Variants in ZHX3 observed in about 807,000 individuals in gnomAD.
ZHX3 encodes the protein zinc fingers and homeoboxes 3, also known as zinc fingers and homeoboxes protein 3.
ZHX3 carries 20 observed loss-of-function variants against 64.5 expected under a neutral mutation model. The ratio of observed to expected loss-of-function variants is 0.31; its 90% CI spans 0.22 to 0.45. ZHX3 has a LOEUF of 0.45. ZHX3 is among the 20% of genes least tolerant of loss of function. The pLI is 1.00. For synonymous variants in ZHX3, 423 were observed against 461.6 expected (o/e 0.92, Z 1.07); for missense variants, 1,041 against 1,195.8 (o/e 0.87, Z 1.91).
At chr20:41,261,635 C>T (rs1223892480) in intron 2 of ZHX3, among the ~76,000 whole-genome samples, 1 of 152,228 alleles carries the variant, frequency 6.6e-6, no homozygotes, top group African/African-American at 2.4e-5. Context: ...CTCTAGCCAC[C>T]CCATGCTGGA....
intron 2 of ZHX3, among the ~76,000 whole-genome samples, chr20:41,233,341 G>A (rs1413816757): frequency 1.3e-5 from 2 of 152,100 alleles, no homozygotes; most frequent in Non-Finnish European, 2.9e-5. Context: ...AATCCCAGCC[G>A]GCCACTTTTT....
intron 2 of ZHX3, among the ~76,000 whole-genome samples, chr20:41,261,046 G>A (rs1456873166): frequency 6.6e-6 from 1 of 152,140 alleles, no homozygotes; most frequent in Non-Finnish European, 1.5e-5. Context: ...ATGACAGAAG[G>A]AAACTACTTT....
At chr20:41,280,795 G>C (rs1213954533) in intron 1 of ZHX3, among the ~76,000 whole-genome samples, 2 of 151,872 alleles carry the variant, frequency 1.3e-5, no homozygotes, top group Non-Finnish European at 2.9e-5. Context: ...TGATTTAGAA[G>C]ATCAAACTGA....
intron 2 of ZHX3, among the ~76,000 whole-genome samples, chr20:41,246,323 A>C (rs1235266200): frequency 6.6e-6 from 1 of 152,194 alleles, no homozygotes; most frequent in Non-Finnish European, 1.5e-5. Context: ...TAATTTCTGA[A>C]AGCCATAGTC....
intron 2 of ZHX3, among the ~76,000 whole-genome samples, chr20:41,257,352 C>T (rs2042312073): frequency 6.6e-6 from 1 of 152,156 alleles, no homozygotes; most frequent in Non-Finnish European, 1.5e-5. Context: ...TCATGAAAAT[C>T]TCTCATCGTA....
intron 1 of ZHX3, among the ~76,000 whole-genome samples, chr20:41,309,521 T>C (rs1297526748): frequency 4.6e-5 from 7 of 152,226 alleles, no homozygotes; most frequent in Non-Finnish European, 8.8e-5. Flanking sequence ...CAATACTACA[T>C]GCCTCTAGTG....
At position 41,180,751 on chromosome 20, in the gene ZHX3, T is replaced by G. The variant is rs1197915931; in HGVS notation, c.*4440A>C. On this transcript the variant is annotated 3_prime_UTR_variant, in exon 4 of 4. Transcript: ENST00000683867. Reference sequence around the variant, plus strand: ...GAACACACAGATTGCAGCAGAAACCTGTTGGTTCCATTTGCACTCAGAGCA... The same window carrying G: ...GAACACACAGATTGCAGCAGAAACCGGTTGGTTCCATTTGCACTCAGAGCA... The G allele has an allele frequency of 6.6e-6, 1 of 152,228 alleles. No homozygotes were observed. Among genetic ancestry groups the G allele is most frequent in the East Asian group, 1.9e-4 (1 of 5,192 alleles). The allele number at this position is 152,228 out of a possible 1,614,324, so 9.4% of individuals were successfully genotyped here.
chr20:41,252,766 C>T (rs974454055), intron 2 of ZHX3, among the ~76,000 whole-genome samples: 6 of 152,114 alleles, frequency 3.9e-5, no homozygotes, highest in Admixed American at 1.3e-4. Context: ...AGGCAGATTT[C>T]TAAGGTCCCC....
At chr20:41,269,917 A>C (rs143027245) in intron 1 of ZHX3, among the ~76,000 whole-genome samples, 59 of 151,700 alleles carry the variant, frequency 3.9e-4, no homozygotes, top group Middle Eastern at 3.4e-3. Flanking sequence ...CAAGTGGCTT[A>C]ACTTCTTAAC....
intron 1 of ZHX3, chr20:41,272,370 T>C (rs2043185759): frequency 6.6e-6 from 1 of 152,196 alleles, no homozygotes; most frequent in Non-Finnish European, 1.5e-5. Flanking sequence ...AATTGAAAAT[T>C]CATATAACAT....
intron 1 of ZHX3, among the ~76,000 whole-genome samples, chr20:41,271,014 C>CA (rs2043119404): frequency 6.6e-6 from 1 of 152,132 alleles, no homozygotes; most frequent in Non-Finnish European, 1.5e-5. Flanking sequence ...ACAGTCTCTA[C>CA]AAAAGTATTT....
chr20:41,260,181 A>G (rs185464705), intron 2 of ZHX3, among the ~76,000 whole-genome samples: 26 of 122,434 alleles, frequency 2.1e-4, no homozygotes, highest in African/African-American at 2.4e-4. Flanking sequence ...GCCAAATGTG[A>G]AAAAAAAAAA....
chr20:41,238,636 C>T (rs1244262495), intron 2 of ZHX3: 1 of 152,028 alleles, frequency 6.6e-6, no homozygotes, highest in Non-Finnish European at 1.5e-5. Flanking sequence ...TTCATCAAAA[C>T]AAGATAAATT....
chr20:41,279,591 C>T (rs1302141886), intron 1 of ZHX3, among the ~76,000 whole-genome samples: 1 of 152,068 alleles, frequency 6.6e-6, no homozygotes, highest in Non-Finnish European at 1.5e-5. Flanking sequence ...GAATGTACTT[C>T]TCCCCTCTCT....
rs2039805454 is a variant in ZHX3 at position 41,219,660 on chromosome 20, G to A, written c.-150-14594C>T. On this transcript the variant is annotated intron_variant, in intron 2 of 3. Transcript: ENST00000683867. This position sits in a 1 kb window ranked among gnomAD's most constrained non-coding sequence, Gnocchi z 5.0. ...GGTATACAAGGATTTTTGAAAAGAT[G>A]CTAGCTAGCCCTATAACTCAAGAAG... 6.6e-6 allele frequency among the ~76,000 whole-genome samples: 1 copy of A among 152,242 alleles called. No homozygotes were observed. Among genetic ancestry groups the A allele is most frequent in the Admixed American group, 6.5e-5 (1 of 15,286 alleles).
chr20:41,283,704 C>T (rs535937561), intron 1 of ZHX3, among the ~76,000 whole-genome samples: 1 of 152,126 alleles, frequency 6.6e-6, no homozygotes, highest in East Asian at 1.9e-4. Context: ...TTGCAGTGAG[C>T]CGAGATCGCA....
At chr20:41,199,040 G>T (rs1349596948) in intron 3 of ZHX3, among the ~76,000 whole-genome samples, 6 of 151,920 alleles carry the variant, frequency 3.9e-5, no homozygotes, top group Middle Eastern at 3.4e-3. Flanking sequence ...CCATTTCAGG[G>T]ATTATACTTT....
chr20:41,258,330 T>G (rs2042376235), intron 2 of ZHX3, among the ~76,000 whole-genome samples: 1 of 152,174 alleles, frequency 6.6e-6, no homozygotes, highest in South Asian at 2.1e-4. Context: ...CATTGTATAT[T>G]TACCAGAACC....
chr20:41,255,791 G>A (rs982937055), intron 2 of ZHX3, among the ~76,000 whole-genome samples: 10 of 152,144 alleles, frequency 6.6e-5, no homozygotes, highest in African/African-American at 1.9e-4. Flanking sequence ...ATTCAGGAAG[G>A]GAGAGGTGTC....
Sources: gnomAD v4.1 joint callset for allele counts (sites outside exome capture counted in the v4.1 genomes callset) on GRCh38, gnomAD v4.1.1 for gene constraint, Gnocchi (gnomAD v3.1) non-coding constraint, MANE v1.5 for transcripts, NCBI Gene and HGNC (gene_info 2026-07-23, HGNC 2026-07-21) for gene names.